Variants in ATP8A2 observed in about 807,000 individuals in gnomAD.
The protein encoded by ATP8A2 is ATPase phospholipid transporting 8A2, also known as phospholipid-transporting ATPase IB.
ATP8A2 carries 100 observed loss-of-function variants against 165.6 expected under a neutral mutation model. That is an observed-to-expected ratio of 0.60 (90% CI 0.51 to 0.71). The LOEUF is 0.71. ATP8A2 is among the 30% of genes least tolerant of loss of function. The probability of loss-of-function intolerance (pLI) is 0.00; values close to 1 mark genes in which losing one functional copy is unlikely to be tolerated. For missense variants in ATP8A2, 1,227 were observed against 1,479.5 expected, an observed-to-expected ratio of 0.83 and a Z score of 2.80; for synonymous variants, 543 against 548.8, an observed-to-expected ratio of 0.99 and a Z score of 0.15.
intron 27 of ATP8A2, among the ~76,000 whole-genome samples, chr13:25,788,146 T>C (rs1174137196): frequency 2.6e-5 from 4 of 152,190 alleles, no homozygotes; most frequent in Non-Finnish European, 5.9e-5. Flanking sequence ...TCCTGACCCA[T>C]CTCAGCCTCA....
chr13:25,470,764 C>G (rs9319227), intron 2 of ATP8A2, among the ~76,000 whole-genome samples: 13,001 of 152,106 alleles, frequency 0.085, 895 homozygotes, highest in African/African-American at 0.19. Context: ...CCATACAGTG[C>G]AATATTATTG....
At chr13:25,719,839 G>C (rs1003675967) in intron 25 of ATP8A2, among the ~76,000 whole-genome samples, 2 of 152,210 alleles carry the variant, frequency 1.3e-5, no homozygotes, top group African/African-American at 4.8e-5. Flanking sequence ...TGTGCCCAGA[G>C]CTGGCATCGC....
At chr13:25,651,171 G>A (rs759322959) in intron 24 of ATP8A2, among the ~76,000 whole-genome samples, 1 of 152,112 alleles carries the variant, frequency 6.6e-6, no homozygotes, top group Non-Finnish European at 1.5e-5. Flanking sequence ...TCGGCCAGGC[G>A]TGGTTGCTCA....
At chr13:25,672,547 C>G (rs2042289380) in intron 24 of ATP8A2, among the ~76,000 whole-genome samples, 1 of 152,134 alleles carries the variant, frequency 6.6e-6, no homozygotes, top group Non-Finnish European at 1.5e-5. Context: ...TCTGTGCCAC[C>G]TTTGTTCTTT....
chr13:25,898,795 G>C (rs1953646350), intron 33 of ATP8A2, among the ~76,000 whole-genome samples: 1 of 152,220 alleles, frequency 6.6e-6, no homozygotes, highest in South Asian at 2.1e-4. Context: ...TACTAGCAAT[G>C]AACGAGGCTC....
At chr13:25,670,046 A>G (rs1048890148) in intron 24 of ATP8A2, among the ~76,000 whole-genome samples, 18 of 152,182 alleles carry the variant, frequency 1.2e-4, no homozygotes, top group African/African-American at 3.4e-4. Context: ...GTGAGAGAAA[A>G]GACCCCAGCG....
intron 30 of ATP8A2, among the ~76,000 whole-genome samples, chr13:25,854,154 C>A (rs1015388346): frequency 6.6e-6 from 1 of 152,060 alleles, no homozygotes; most frequent in Non-Finnish European, 1.5e-5. Context: ...TTCTTCCTCT[C>A]GTGAACTTAA....
chr13:25,419,097 G>A (rs781444336), intron 1 of ATP8A2, among the ~76,000 whole-genome samples: 7 of 152,182 alleles, frequency 4.6e-5, no homozygotes, highest in Non-Finnish European at 8.8e-5. Flanking sequence ...GTGCACGCAC[G>A]TGTTGAGGAA....
At chr13:25,965,488 T>C (rs537733537) in intron 34 of ATP8A2, among the ~76,000 whole-genome samples, 6 of 152,362 alleles carry the variant, frequency 3.9e-5, no homozygotes, top group African/African-American at 1.4e-4. Flanking sequence ...AAAACTAAGC[T>C]ACCTTTTATT....
intron 2 of ATP8A2, 152 bp downstream of exon 2, chr13:25,469,273 G>A: frequency 1.1e-6 from 1 of 885,298 alleles, no homozygotes; most frequent in Non-Finnish European, 1.6e-6. Flanking sequence ...CCACTAGCCC[G>A]CGGTGCAGCC....
At chr13:25,698,116 T>A (rs559269150) in intron 24 of ATP8A2, among the ~76,000 whole-genome samples, 1 of 152,314 alleles carries the variant, frequency 6.6e-6, no homozygotes, top group African/African-American at 2.4e-5. Flanking sequence ...ATTCTGTGCT[T>A]CCCAATTAAC....
intron 33 of ATP8A2, among the ~76,000 whole-genome samples, chr13:25,901,198 G>A (rs931192653): frequency 4.6e-5 from 7 of 152,182 alleles, no homozygotes; most frequent in African/African-American, 1.7e-4. Flanking sequence ...AGCTTCTACA[G>A]GCAAACTGCA....
rs576477735 is a variant in ATP8A2 at position 25,530,346 on chromosome 13, GC to G, written c.322-214del. ...AGTGGCCTTAGGGCCATACTTTTAAGCCTTTTTCTGTTCCAAACACATAACC... is the reference window on the plus strand; with the variant it reads ...AGTGGCCTTAGGGCCATACTTTTAAGCTTTTTCTGTTCCAAACACATAACC... On this transcript the variant is annotated intron_variant, in intron 3 of 36. Transcript: ENST00000381655. Among the ~76,000 whole-genome samples the G allele has an allele frequency of 2.8e-3, 423 of 152,300 alleles. 1 individual carries two copies. The highest frequency in any genetic ancestry group is 7.8e-3 in the African/African-American group (325 of 41,576).
At position 25,564,040 on chromosome 13, in the gene ATP8A2, T is replaced by G; in HGVS notation, c.1473+9T>G. 6.2e-7 allele frequency: 1 copy of G among 1,601,164 alleles called. No individual in the cohort carries two copies. Among genetic ancestry groups the G allele is most frequent in the Non-Finnish European group, 8.6e-7 (1 of 1,168,154 alleles). On this transcript the variant is annotated intron_variant, in intron 16 of 36. Transcript: ENST00000381655. ...ACATTGAGGATCGCCATGTAAGTGC[T>G]CTGTTTTACTTCGAAGACAGCAAAC...
intron 25 of ATP8A2, among the ~76,000 whole-genome samples, chr13:25,700,821 G>A (rs565458415): frequency 6.6e-6 from 1 of 152,270 alleles, no homozygotes; most frequent in African/African-American, 2.4e-5. Context: ...GTTCCCACTG[G>A]CAATATGTGA....
intron 33 of ATP8A2, among the ~76,000 whole-genome samples, chr13:25,893,916 A>C (rs1953456568): frequency 6.6e-6 from 1 of 151,982 alleles, no homozygotes; most frequent in Non-Finnish European, 1.5e-5. Context: ...TTTTCTTGTA[A>C]ATTTGTTTGA....
At chr13:25,592,028 G>GA in intron 24 of ATP8A2, among the ~76,000 whole-genome samples, 1 of 145,474 alleles carries the variant, frequency 6.9e-6, no homozygotes, top group Non-Finnish European at 1.5e-5. Context: ...GCCAACACTG[G>GA]TTTTTTTTTT....
At chr13:25,378,770 A>G (rs937270815) in intron 1 of ATP8A2, among the ~76,000 whole-genome samples, 11 of 152,078 alleles carry the variant, frequency 7.2e-5, no homozygotes, top group African/African-American at 2.7e-4. Context: ...TGTCCTAGCT[A>G]CTCTGCAGCT....
intron 25 of ATP8A2, chr13:25,705,135 C>G (rs886114784): frequency 4.7e-6 from 2 of 428,818 alleles, no homozygotes; most frequent in African/African-American, 2.1e-5. Context: ...TTTCTTCCCC[C>G]TTTCTCATTT....
Sources: gnomAD v4.1 joint callset for allele counts (sites outside exome capture counted in the v4.1 genomes callset) on GRCh38, gnomAD v4.1.1 for gene constraint, MANE v1.5 for transcripts, NCBI Gene and HGNC (gene_info 2026-07-23, HGNC 2026-07-21) for gene names.